Variants in TENM1 observed in about 807,000 individuals in gnomAD.
The protein encoded by TENM1 is teneurin transmembrane protein 1.
TENM1 carries 35 observed loss-of-function variants against 174.8 expected under a neutral mutation model. The ratio of observed to expected loss-of-function variants is 0.20; its 90% CI spans 0.15 to 0.27. The LOEUF is 0.27. Ranked by LOEUF, TENM1 falls within the 10% of genes least tolerant of loss-of-function variation. The probability of loss-of-function intolerance (pLI) is 1.00; values close to 1 mark genes in which losing one functional copy is unlikely to be tolerated. For missense variants in TENM1, 1,633 were observed against 2,130.1 expected, an observed-to-expected ratio of 0.77 and a Z score of 4.59; for synonymous variants, 781 against 798.7, an observed-to-expected ratio of 0.98 and a Z score of 0.37.
intron 11 of TENM1, among the ~76,000 whole-genome samples, chrX:124,635,458 G>C (rs2050857746): frequency 8.9e-6 from 1 of 112,294 alleles, no homozygotes; most frequent in African/African-American, 3.2e-5. Flanking sequence ...ATGTTGAAAA[G>C]AACCTCCAGG....
the TENM1 span, among the ~76,000 whole-genome samples, chrX:125,020,976 T>C: frequency 9.0e-6 from 1 of 110,991 alleles, no homozygotes; most frequent in African/African-American, 3.3e-5. Context: ...ACACTCTACA[T>C]ACACACTTAC....
intron 11 of TENM1, among the ~76,000 whole-genome samples, chrX:124,567,951 T>C (rs2048976621): frequency 8.9e-6 from 1 of 112,114 alleles, no homozygotes; most frequent in Non-Finnish European, 1.9e-5. Flanking sequence ...TATTGCTTTG[T>C]ACAACTATAA....
At position 124,666,616 on chromosome X, in the gene TENM1, T is replaced by C. The variant is rs141616745; in HGVS notation, c.1168+5067A>G. 9.3e-4 allele frequency among the ~76,000 whole-genome samples: 104 copies of C among 111,582 alleles called. No individual in the cohort carries two copies. The East Asian group carries it at 0.028, about 30-fold the overall frequency. ...TCCCATGATTTCCCTAAGACTCACC[T>C]ATAATTCCACCCCTGAAAAGACCAA... On this transcript the variant is annotated intron_variant, in intron 6 of 31. Transcript: ENST00000422452.
intron 23 of TENM1, among the ~76,000 whole-genome samples, chrX:124,450,950 G>T (rs1005419278): frequency 4.5e-4 from 51 of 112,219 alleles, no homozygotes; most frequent in Admixed American, 4.5e-3. Context: ...TTTATTACTT[G>T]CAGACAAGAC....
At chrX:125,184,020 C>T in the TENM1 span, among the ~76,000 whole-genome samples, 1 of 111,718 alleles carries the variant, frequency 9.0e-6, no homozygotes, top group Non-Finnish European at 1.9e-5. Context: ...TGATGAGAAA[C>T]GTATTACTAA....
chrX:125,125,061 G>A, the TENM1 span, among the ~76,000 whole-genome samples: 2 of 112,472 alleles, frequency 1.8e-5, no homozygotes, highest in African/African-American at 6.4e-5. Flanking sequence ...ATTGGATCAT[G>A]TTATTGAAAA....
the TENM1 span, among the ~76,000 whole-genome samples, chrX:125,036,901 A>G: frequency 9.0e-6 from 1 of 111,468 alleles, no homozygotes; most frequent in Non-Finnish European, 1.9e-5. Flanking sequence ...CAAGGGTGCA[A>G]AGGCAGGAAG....
chrX:124,754,619 G>A lies in TENM1; in HGVS notation c.536-17422C>T, dbSNP rs773040717. ...TGATCTTTTCTGCTTTCTCTTGTGG[G>A]CATTTAGTGCTATAAATTTCCGTCT... On this transcript the variant is annotated intron_variant, in intron 3 of 31. Transcript: ENST00000422452. Among the ~76,000 whole-genome samples, 241 of 110,250 alleles carry A rather than the reference G, an allele frequency of 2.2e-3. 2 individuals are homozygous for A. The highest frequency in any genetic ancestry group is 3.3e-3 in the Non-Finnish European group (175 of 52,828).
At chrX:124,793,685 G>A (rs774233545) in intron 3 of TENM1, among the ~76,000 whole-genome samples, 8 of 111,217 alleles carry the variant, frequency 7.2e-5, no homozygotes, top group Non-Finnish European at 1.3e-4. Flanking sequence ...GTGGCCAAAC[G>A]CATATTTCAT....
chrX:124,894,170 G>T, intron 3 of TENM1, 126 bp downstream of exon 6: 1 of 488,514 alleles, frequency 2.0e-6, no homozygotes, highest in South Asian at 3.2e-5. Context: ...TGTATTCTCT[G>T]ACAGGTTCAT....
chrX:125,101,933 G>A, the TENM1 span, among the ~76,000 whole-genome samples: 1 of 111,963 alleles, frequency 8.9e-6, no homozygotes, highest in Non-Finnish European at 1.9e-5. Flanking sequence ...AGTGCAGGTT[G>A]TAAGCAAATA....
chrX:124,497,370 T>C, intron 19 of TENM1, 105 bp from the exon 23 acceptor site: 1 of 882,775 alleles, frequency 1.1e-6, no homozygotes, highest in Middle Eastern at 4.2e-4. Context: ...AGGAAGGAGC[T>C]TTGGCCTGGC....
the TENM1 span, chrX:125,203,898 G>A: frequency 8.9e-6 from 1 of 112,960 alleles, no homozygotes; most frequent in Non-Finnish European, 1.9e-5. Context: ...CAGTGCCCGG[G>A]ACTTAGGGCG....
At chrX:124,645,776 T>C (rs1253365479) in intron 9 of TENM1, among the ~76,000 whole-genome samples, 1 of 112,518 alleles carries the variant, frequency 8.9e-6, no homozygotes, top group Admixed American at 9.4e-5. Flanking sequence ...GACAGATGTC[T>C]GTTCCTATAA....
At chrX:124,443,195 C>T (rs766707256) in intron 23 of TENM1, among the ~76,000 whole-genome samples, 4 of 108,853 alleles carry the variant, frequency 3.7e-5, no homozygotes, top group African/African-American at 1.3e-4. Context: ...ATTACCCCTT[C>T]TACAGAGCTG....
the TENM1 span, among the ~76,000 whole-genome samples, chrX:125,086,122 G>T: frequency 9.1e-6 from 1 of 109,958 alleles, no homozygotes; most frequent in African/African-American, 3.3e-5. Context: ...TTTCCCCTTT[G>T]CTTATGATGT....
chrX:124,835,560 T>C (rs2056375435), intron 3 of TENM1, among the ~76,000 whole-genome samples: 1 of 112,000 alleles, frequency 8.9e-6, no homozygotes, highest in Non-Finnish European at 1.9e-5. Flanking sequence ...GCTCTATGAA[T>C]GAATTTGTTA....
chrX:124,471,050 T>G (rs1345121208), intron 22 of TENM1, among the ~76,000 whole-genome samples: 1 of 99,480 alleles, frequency 1.0e-5, no homozygotes, highest in Non-Finnish European at 2.0e-5. Context: ...TATGCCCTTA[T>G]ATAGCAATTA....
exon 32 of TENM1, chrX:124,378,388 A>G: frequency 8.9e-6 from 1 of 112,352 alleles, no homozygotes; most frequent in East Asian, 2.8e-4. Flanking sequence ...TTCACAAATT[A>G]TTTTTCCATT....
Sources: gnomAD v4.1 joint callset for allele counts (sites outside exome capture counted in the v4.1 genomes callset) on GRCh38, gnomAD v4.1.1 for gene constraint, MANE v1.5 for transcripts, NCBI Gene and HGNC (gene_info 2026-07-23, HGNC 2026-07-21) for gene names.